The following PPP1R14C variants were observed in gnomAD, a reference collection of about 807,000 sequenced individuals.
PPP1R14C encodes protein phosphatase 1 regulatory inhibitor subunit 14C.
In PPP1R14C, 16 loss-of-function variants were observed where a neutral mutation model predicts 20.4. That is an observed-to-expected ratio of 0.78 (90% CI 0.53 to 1.19). The LOEUF (loss-of-function observed/expected upper bound fraction) is 1.19. Ranked by LOEUF, PPP1R14C falls within the 50% of genes most tolerant of loss-of-function variation. PPP1R14C has a pLI of 0.00. For missense variants in PPP1R14C, 211 were observed against 220.1 expected (o/e 0.96, Z 0.26); for synonymous variants, 91 against 91.0 (o/e 1.00, Z 0.00).
intron 3 of PPP1R14C, among the ~76,000 whole-genome samples, chr6:150,220,037 G>A (rs959296387): frequency 3.9e-5 from 6 of 151,980 alleles, no homozygotes; most frequent in Non-Finnish European, 7.4e-5. Flanking sequence ...TGTATTTTTA[G>A]TAGAGGCGGA....
In PPP1R14C at chr6:150,143,357, T is replaced by A; in HGVS notation, c.165T>A (p.Ala55=). The A allele has an allele frequency of 1.2e-6, 2 of 1,608,368 alleles. No homozygotes were observed. The highest frequency in any genetic ancestry group is 1.7e-6 in the Non-Finnish European group (2 of 1,178,394). The change falls in exon 1 of 4, where the codon GCT becomes GCA. Residue 55 remains alanine (A), a synonymous_variant. Coordinates refer to ENST00000361131, the MANE Select transcript of PPP1R14C (RefSeq NM_030949.3). This position sits in a 1 kb window ranked among gnomAD's most constrained non-coding sequence, Gnocchi z 5.6. ...CGGCGCCCGTGGCCACGGCGGCCGC[T>A]GCAGGGCAGGTTCAGCAGCAACAGC... is the stretch of plus-strand genomic sequence containing the variant. ...EDSAPVATAA[A]AGQVQQQQQR...
intron 1 of PPP1R14C, among the ~76,000 whole-genome samples, chr6:150,147,357 T>C (rs1777191626): frequency 6.6e-6 from 1 of 152,046 alleles, no homozygotes; most frequent in Admixed American, 6.6e-5. Context: ...TTTTTGTATT[T>C]TTAGTAGAGA....
chr6:150,204,468 A>ACT (rs1777918958), intron 1 of PPP1R14C, among the ~76,000 whole-genome samples: 1 of 152,218 alleles, frequency 6.6e-6, no homozygotes, highest in African/African-American at 2.4e-5. Flanking sequence ...AGGCATCAGG[A>ACT]GTACACGATT....
chr6:150,246,345 G>A (rs758175178), intron 3 of PPP1R14C, among the ~76,000 whole-genome samples: 3 of 151,880 alleles, frequency 2.0e-5, no homozygotes, highest in East Asian at 1.9e-4. Context: ...GAAACTTTTT[G>A]TAGTAGTCAT....
intron 1 of PPP1R14C, among the ~76,000 whole-genome samples, chr6:150,155,456 G>A (rs1777295402): frequency 6.6e-6 from 1 of 152,012 alleles, no homozygotes; most frequent in Non-Finnish European, 1.5e-5. Context: ...ATGAGAAAAC[G>A]GGGAGGCTCC....
intron 1 of PPP1R14C, among the ~76,000 whole-genome samples, chr6:150,165,660 G>T (rs979578715): frequency 1.3e-5 from 2 of 152,166 alleles, no homozygotes; most frequent in Non-Finnish European, 2.9e-5. Flanking sequence ...TCAGTGCAAG[G>T]AGGGTAATTT....
chr6:150,229,830 G>A (rs985535840), intron 3 of PPP1R14C, among the ~76,000 whole-genome samples: 6 of 152,018 alleles, frequency 3.9e-5, no homozygotes, highest in Non-Finnish European at 7.4e-5. Flanking sequence ...GTTCTGGTGC[G>A]CCATGCCAGC....
At chr6:150,241,614 C>T (rs981628586) in intron 3 of PPP1R14C, among the ~76,000 whole-genome samples, 1 of 152,184 alleles carries the variant, frequency 6.6e-6, no homozygotes, top group Non-Finnish European at 1.5e-5. Flanking sequence ...CAGCCAGGCA[C>T]AGTGGCTCAC....
intron 1 of PPP1R14C, among the ~76,000 whole-genome samples, chr6:150,203,543 C>T (rs577300852): frequency 6.6e-6 from 1 of 152,292 alleles, no homozygotes; most frequent in South Asian, 2.1e-4. Flanking sequence ...CCGTACTGGA[C>T]ATATTTGGCC....
intron 1 of PPP1R14C, among the ~76,000 whole-genome samples, chr6:150,167,688 A>G (rs1473654747): frequency 6.6e-6 from 1 of 152,096 alleles, no homozygotes; most frequent in Non-Finnish European, 1.5e-5. Flanking sequence ...TGTCTTATAT[A>G]CTGTATAAGG....
At chr6:150,192,858 C>A (rs1777762686) in intron 1 of PPP1R14C, among the ~76,000 whole-genome samples, 1 of 152,150 alleles carries the variant, frequency 6.6e-6, no homozygotes, top group South Asian at 2.1e-4. Flanking sequence ...TGTTTCCACA[C>A]AGTGTCTCAT....
At chr6:150,194,548 T>G (rs1225296992) in intron 1 of PPP1R14C, 1 of 969,826 alleles carries the variant, frequency 1.0e-6, no homozygotes, top group Non-Finnish European at 1.2e-6. Flanking sequence ...AAGGAGTAGC[T>G]CTTTGATTAT....
intron 1 of PPP1R14C, among the ~76,000 whole-genome samples, chr6:150,167,184 T>A (rs1777431647): frequency 6.6e-6 from 1 of 151,986 alleles, no homozygotes; most frequent in African/African-American, 2.4e-5. Context: ...CTGGCCAACA[T>A]GGCAAACCCC....
intron 1 of PPP1R14C, among the ~76,000 whole-genome samples, chr6:150,196,642 G>A (rs759745619): frequency 2.0e-5 from 3 of 152,078 alleles, no homozygotes; most frequent in South Asian, 2.1e-4. Flanking sequence ...ATTTGCCACC[G>A]TTTTTCCTTT....
Position 150,143,477 on chromosome 6 carries a change from G to C in PPP1R14C, c.285G>C (p.Leu95=). 2 of 1,602,366 alleles carry C rather than the reference G, an allele frequency of 1.2e-6. No individual in the cohort carries two copies. The highest frequency in any genetic ancestry group is 1.3e-5 in the African/African-American group (1 of 74,264). Residue 95 remains leucine (L), a synonymous_variant, in exon 1 of 4, where the codon CTG becomes CTC. Transcript: ENST00000361131. This position sits in a 1 kb window ranked among gnomAD's most constrained non-coding sequence, Gnocchi z 5.6. ...TGGAGGAATGGATCGTGGAGCAGCT[G>C]GGTCAGCTCTACGGCTGCGAGGTAC... ...LVLEEWIVEQ[L]GQLYGCEEEE... is the part of the protein sequence containing the mutation.
At position 150,189,225 on chromosome 6, in the gene PPP1R14C, C is replaced by A. The variant is rs977321291; in HGVS notation, c.307-25519C>A. The stretch of plus-strand genomic sequence containing the variant: ...TCCTCCTTCTTGTAAGTTCTTTTTT[C>A]TGGACAGCACTGAGATCAATCCGTG... On this transcript the variant is annotated intron_variant, in intron 1 of 3. Transcript: ENST00000361131. Among the ~76,000 whole-genome samples, 4 of 151,410 alleles carry A rather than the reference C, an allele frequency of 2.6e-5. 1 individual carries two copies. Among genetic ancestry groups the A allele is most frequent in the Admixed American group, 2.0e-4 (3 of 15,200 alleles).
intron 3 of PPP1R14C, among the ~76,000 whole-genome samples, chr6:150,239,327 G>A (rs369937155): frequency 2.6e-5 from 4 of 152,254 alleles, no homozygotes; most frequent in East Asian, 3.9e-4. Flanking sequence ...GACATATTCT[G>A]GGACAGAAAG....
chr6:150,218,611 G>A (rs184248635), intron 3 of PPP1R14C, among the ~76,000 whole-genome samples: 107 of 150,686 alleles, frequency 7.1e-4, no homozygotes, highest in Middle Eastern at 6.8e-3. Flanking sequence ...ACACTTTTGC[G>A]CTTTTGGCTG....
chr6:150,232,926 A>G (rs1430980476), intron 3 of PPP1R14C, among the ~76,000 whole-genome samples: 1 of 152,208 alleles, frequency 6.6e-6, no homozygotes, highest in Non-Finnish European at 1.5e-5. Flanking sequence ...CTCGATGATG[A>G]TTTGTTCAGG....
Sources: allele counts gnomAD v4.1 joint callset (sites outside exome capture counted in the v4.1 genomes callset), GRCh38; gene constraint gnomAD v4.1.1; non-coding constraint Gnocchi (gnomAD v3.1); transcripts MANE v1.5; gene names NCBI Gene and HGNC (gene_info 2026-07-23, HGNC 2026-07-21).